The following CGB7 variants were observed in gnomAD, a reference collection of about 807,000 sequenced individuals.
The protein encoded by CGB7 is chorionic gonadotropin subunit beta 7.
CGB7 carries 6 observed loss-of-function variants against 7.3 expected under a neutral mutation model. The observed-to-expected ratio is 0.82, with a 90% CI of 0.45 to 1.62. The LOEUF (loss-of-function observed/expected upper bound fraction) is 1.62, where lower values mean the gene tolerates loss of function less well. Ranked by LOEUF, CGB7 falls within the 40% of genes most tolerant of loss-of-function variation. The pLI, the probability that CGB7 is intolerant of heterozygous loss-of-function variation, is 0.01. For synonymous variants in CGB7, 47 were observed against 100.8 expected (o/e 0.47, Z 3.20); for missense variants, 114 against 236.2 (o/e 0.48, Z 3.39).
At chr19:49,056,802 G>T (rs1568405819) in intron 2 of CGB7, among the ~76,000 whole-genome samples, 1 of 152,194 alleles carries the variant, frequency 6.6e-6, no homozygotes, top group African/African-American at 2.4e-5. Flanking sequence ...GCATCCTAGG[G>T]AAGGAAACGG....
chr19:49,055,115 G>C lies in CGB7; in HGVS notation c.16-107C>G, dbSNP rs2040040205. The C allele has an allele frequency of 5.0e-6, 8 of 1,586,752 alleles. No homozygotes were observed. In the East Asian group the frequency reaches 1.3e-4, roughly 27 times the overall value. On this transcript the variant is annotated intron_variant, in intron 3 of 4. Coordinates refer to ENST00000684222, the MANE Select transcript of CGB7 (RefSeq NM_001385261.1). The stretch of plus-strand genomic sequence containing the variant: ...CACAAAGACCCAGAGACCCTTCCCG[G>C]CATCTCCTATTCAGGACCCACCACC...
chr19:49,056,248 G>T lies in CGB7; in HGVS notation c.-873C>A. ...CCCCCACGCCAGGGGGCGTGTCTGG[G>T]GTGGGGCTGGCCCGGCAGGCTCCCA... On this transcript the variant is annotated 5_prime_UTR_variant, in exon 3 of 5. Transcript: ENST00000684222. 1 of 1,289,824 alleles carries T rather than the reference G, an allele frequency of 7.8e-7. No homozygotes were observed. Among genetic ancestry groups the T allele is most frequent in the Non-Finnish European group, 1.0e-6 (1 of 989,042 alleles). 79.9% of individuals were successfully genotyped at this position (1,289,824 alleles called of 1,614,324 possible).
In CGB7 at chr19:49,056,294, C is replaced by T. The variant is rs1446919984; in HGVS notation, c.-919G>A. 1.5e-6 allele frequency: 2 copies of T among 1,292,198 alleles called. No homozygotes were observed. The allele number at this position is 1,292,198 out of a possible 1,614,324, so 80.0% of individuals were successfully genotyped here. On this transcript the variant is annotated 5_prime_UTR_variant, in exon 3 of 5. Transcript: ENST00000684222. ...TCCCACTAGCCCCGGCTTACAGCGG[C>T]CTGAGCGGGAGTTCTCGGTGCTGTA... is the stretch of plus-strand genomic sequence containing the variant.
rs1054201573 is a variant in CGB7, at chr19:49,055,560, G to A, written c.-185C>T. ...GGAGCACCCCAGTCCTCTCCCCTCA[G>A]TGGTCTAGCGCCAAGGATGAGGCGG... On this transcript the variant is annotated 5_prime_UTR_variant, in exon 3 of 5. Coordinates refer to ENST00000684222, the MANE Select transcript of CGB7 (RefSeq NM_001385261.1). 28 of 1,532,352 alleles carry A rather than the reference G, an allele frequency of 1.8e-5. No homozygotes were observed. Among genetic ancestry groups the A allele is most frequent in the Non-Finnish European group, 2.4e-5 (27 of 1,139,750 alleles). The allele number at this position is 1,532,352 out of a possible 1,614,324, so 94.9% of individuals were successfully genotyped here. A position where few individuals can be genotyped will look rare whatever the true frequency, so the allele number is the denominator to read the frequency against.
At chr19:49,055,093 A>G in intron 3 of CGB7, 85 bp from the exon 4 acceptor site, 1 of 1,598,704 alleles carries the variant, frequency 6.3e-7, no homozygotes, top group Non-Finnish European at 8.5e-7. Flanking sequence ...CACCACCCAC[A>G]AAGACCCAGA....
At chr19:49,055,144 A>T (rs528680320) in intron 3 of CGB7, 136 bp from the exon 4 acceptor site, 1 of 1,554,200 alleles carries the variant, frequency 6.4e-7, no homozygotes, top group Non-Finnish European at 8.7e-7. Flanking sequence ...CACCACCCGG[A>T]CACCTGCCTT....
intron 1 of CGB7, 39 bp downstream of exon 1, chr19:49,057,423 C>A (rs900600621): frequency 7.2e-7 from 1 of 1,379,992 alleles, no homozygotes; most frequent in Admixed American, 3.1e-5. Context: ...CAGGGAACTT[C>A]AGCTTCCTTT....
Position 49,057,115 on chromosome 19 carries a change from G to C in CGB7, c.-1221+6C>G, listed in dbSNP as rs2040075850. On this transcript the variant is annotated splice_donor_region_variant and intron_variant, in intron 2 of 4. Transcript: ENST00000684222. Reference sequence around the variant, plus strand: ...GGAGGCGGTGCCGAGCGAGAGCCCGGCTTACTTGGGATAGAACCGAAAGTC... The same window carrying C: ...GGAGGCGGTGCCGAGCGAGAGCCCGCCTTACTTGGGATAGAACCGAAAGTC... 2.0e-6 allele frequency: 3 copies of C among 1,533,398 alleles called. No homozygotes were observed. Among genetic ancestry groups the C allele is most frequent in the African/African-American group, 1.4e-5 (1 of 72,952 alleles). The allele number at this position is 1,533,398 out of a possible 1,614,324, so 95.0% of individuals were successfully genotyped here.
In CGB7 at chr19:49,055,084, A is replaced by G. The variant is rs1297359941; in HGVS notation, c.16-76T>C. The G allele has an allele frequency of 3.1e-6, 5 of 1,599,352 alleles. No individual in the cohort carries two copies. In the African/African-American group the frequency reaches 5.4e-5, roughly 17 times the overall value. On this transcript the variant is annotated intron_variant, in intron 3 of 4. Coordinates refer to ENST00000684222, the MANE Select transcript of CGB7 (RefSeq NM_001385261.1). ...CTGGCCTTCCCATCCCCCAGGGTAC[A>G]CCACCCACAAAGACCCAGAGACCCT... is the stretch of plus-strand genomic sequence containing the variant.
Position 49,056,213 on chromosome 19 carries a change from C to T in CGB7, c.-838G>A. On this transcript the variant is annotated 5_prime_UTR_variant, in exon 3 of 5. Coordinates refer to ENST00000684222, the MANE Select transcript of CGB7 (RefSeq NM_001385261.1). ...CCGCGTAGTGAGCGGCTGCCCAGAGCTCTGCTCCGCCCCCACGCCAGGGGG... is the reference window on the plus strand; with the variant it reads ...CCGCGTAGTGAGCGGCTGCCCAGAGTTCTGCTCCGCCCCCACGCCAGGGGG... 7.8e-7 allele frequency: 1 copy of T among 1,284,802 alleles called. No individual in the cohort carries two copies. Among genetic ancestry groups the T allele is most frequent in the East Asian group, 5.6e-5 (1 of 17,890 alleles). 79.6% of individuals were successfully genotyped at this position (1,284,802 alleles called of 1,614,324 possible).
Position 49,057,715 on chromosome 19 carries a change from T to G in CGB7, c.-1602A>C, listed in dbSNP as rs922098111. 1 of 1,284,446 alleles carries G rather than the reference T, an allele frequency of 7.8e-7. No homozygotes were observed. Among genetic ancestry groups the G allele is most frequent in the Non-Finnish European group, 9.9e-7 (1 of 1,014,490 alleles). The allele number at this position is 1,284,446 out of a possible 1,614,324, so 79.6% of individuals were successfully genotyped here. A position where few individuals can be genotyped will look rare whatever the true frequency, so the allele number is the denominator to read the frequency against. ...GCAGCTTAGGAGCCCTGAAGGCGAG[T>G]TTCCAGCCCCTGGTCCTTCTGGCCT... On this transcript the variant is annotated 5_prime_UTR_variant, in exon 1 of 5. Coordinates refer to ENST00000684222, the MANE Select transcript of CGB7 (RefSeq NM_001385261.1).
chr19:49,057,094 G>A (rs1250753941), intron 2 of CGB7, 27 bp downstream of exon 2: 1 of 1,530,328 alleles, frequency 6.5e-7, no homozygotes, highest in South Asian at 1.2e-5. Flanking sequence ...TGTGCAGGAG[G>A]CGGTGCCGAG....
Position 49,055,512 on chromosome 19 carries a change from G to A in CGB7, c.-137C>T. The A allele has an allele frequency of 6.3e-7, 1 of 1,593,986 alleles. No individual in the cohort carries two copies. Among genetic ancestry groups the A allele is most frequent in the African/African-American group, 1.3e-5 (1 of 74,808 alleles). On this transcript the variant is annotated 5_prime_UTR_variant, in exon 3 of 5. Coordinates refer to ENST00000684222, the MANE Select transcript of CGB7 (RefSeq NM_001385261.1). ...GGGGGGCGAGAAGTAGACAAGGCCA[G>A]GGAGGCACAGGAGTGGCTCAGCGGA...
At chr19:49,054,679 C>G (rs547036334) in intron 4 of CGB7, 74 bp from the exon 5 acceptor site, 2 of 1,100,876 alleles carry the variant, frequency 1.8e-6, no homozygotes, top group East Asian at 5.2e-5. Flanking sequence ...CAGCTGCCCC[C>G]ACAGGTCTCA....
Position 49,057,369 on chromosome 19 carries a change from C to T in CGB7, c.-1349+93G>A, listed in dbSNP as rs1221050275. The T allele has an allele frequency of 2.8e-6, 4 of 1,427,608 alleles. No homozygotes were observed. The East Asian group carries it at 1.0e-4, about 37-fold the overall frequency. 88.4% of individuals were successfully genotyped at this position (1,427,608 alleles called of 1,614,324 possible). The stretch of plus-strand genomic sequence containing the variant: ...CTCGACAGCCATGACGGCCACGGCC[C>T]TCACACCCCGCCCCAGGGTCAGAGC... On this transcript the variant is annotated intron_variant, in intron 1 of 4. Transcript: ENST00000684222.
intron 1 of CGB7, 73 bp from the exon 2 acceptor site, chr19:49,057,321 G>T: frequency 2.0e-6 from 3 of 1,473,032 alleles, no homozygotes; most frequent in South Asian, 1.3e-5. Flanking sequence ...TGGGTCCCGA[G>T]TTCAGAATCC....
chr19:49,055,141 C>T (rs769806074), intron 3 of CGB7, 133 bp from the exon 4 acceptor site: 34 of 1,553,990 alleles, frequency 2.2e-5, no homozygotes, highest in African/African-American at 6.8e-5. Context: ...ACCCACCACC[C>T]GGACACCTGC....
chr19:49,055,109 T>C, intron 3 of CGB7, 101 bp from the exon 4 acceptor site: 3 of 1,591,636 alleles, frequency 1.9e-6, no homozygotes, highest in Non-Finnish European at 1.7e-6. Flanking sequence ...CCAGAGACCC[T>C]TCCCGGCATC....
rs1276532216 is a variant in CGB7, at chr19:49,055,516, G to A, written c.-141C>T. The A allele has an allele frequency of 1.3e-6, 2 of 1,591,788 alleles. No homozygotes were observed. Among genetic ancestry groups the A allele is most frequent in the Non-Finnish European group, 1.7e-6 (2 of 1,167,508 alleles). ...GGCGAGAAGTAGACAAGGCCAGGGA[G>A]GCACAGGAGTGGCTCAGCGGAGCAC... is the stretch of plus-strand genomic sequence containing the variant. On this transcript the variant is annotated 5_prime_UTR_variant, in exon 3 of 5. Coordinates refer to ENST00000684222, the MANE Select transcript of CGB7 (RefSeq NM_001385261.1).
Sources: gnomAD v4.1 joint callset for allele counts (sites outside exome capture counted in the v4.1 genomes callset) on GRCh38, gnomAD v4.1.1 for gene constraint, MANE v1.5 for transcripts, NCBI Gene and HGNC (gene_info 2026-07-23, HGNC 2026-07-21) for gene names.